MARCHF8: variants seen among roughly 807,000 people sequenced by gnomAD.
The protein encoded by MARCHF8 is E3 ubiquitin-protein ligase MARCHF8.
MARCHF8 carries 40 observed loss-of-function variants against 51.6 expected under a neutral mutation model. The observed-to-expected ratio is 0.77, with a 90% CI of 0.60 to 1.01. The LOEUF is 1.01. Ranked by LOEUF, MARCHF8 falls within the 50% of genes least tolerant of loss-of-function variation. MARCHF8 has a pLI of 0.00. For synonymous variants in MARCHF8, 263 were observed against 280.3 expected (o/e 0.94, Z 0.62); for missense variants, 685 against 708.6 (o/e 0.97, Z 0.38).
At chr10:45,582,989 C>T (rs2044572137) in intron 1 of MARCHF8, among the ~76,000 whole-genome samples, 1 of 151,990 alleles carries the variant, frequency 6.6e-6, no homozygotes. Flanking sequence ...TTAAGATGTC[C>T]AAATCCTCAC....
At chr10:45,556,298 T>G (rs1320392140) in intron 1 of MARCHF8, among the ~76,000 whole-genome samples, 1 of 152,138 alleles carries the variant, frequency 6.6e-6, no homozygotes, top group East Asian at 1.9e-4. Flanking sequence ...CACAAAACTG[T>G]GAAATAACTT....
chr10:45,483,250 G>A (rs2042921096), intron 3 of MARCHF8, among the ~76,000 whole-genome samples: 2 of 152,064 alleles, frequency 1.3e-5, no homozygotes, highest in African/African-American at 2.4e-5. Flanking sequence ...ATCGAACAAG[G>A]AACTAACATA....
At chr10:45,575,224 G>C (rs1394925797) in intron 1 of MARCHF8, among the ~76,000 whole-genome samples, 1 of 152,106 alleles carries the variant, frequency 6.6e-6, no homozygotes, top group East Asian at 1.9e-4. Flanking sequence ...AAAAAAAGCA[G>C]CCAGCGTTCC....
In MARCHF8 at chr10:45,513,368, C is replaced by A. The variant is rs572608540; in HGVS notation, c.102+19742G>T. Reference sequence around the variant, plus strand: ...ACTCATTCAGAAACACGTTTATTAACCACCTACTATGAGCCAGGTACAGGT... The same window carrying A: ...ACTCATTCAGAAACACGTTTATTAAACACCTACTATGAGCCAGGTACAGGT... On this transcript the variant is annotated intron_variant, in intron 2 of 7. Transcript: ENST00000453424. 6.6e-5 allele frequency among the ~76,000 whole-genome samples: 10 copies of A among 152,176 alleles called. No individual in the cohort carries two copies. In the East Asian group the frequency reaches 1.9e-3, roughly 29 times the overall value.
At chr10:45,589,576 C>T (rs1307416955) in intron 1 of MARCHF8, among the ~76,000 whole-genome samples, 1 of 152,184 alleles carries the variant, frequency 6.6e-6, no homozygotes, top group Non-Finnish European at 1.5e-5. Context: ...TCCCCACCCC[C>T]TACCCCAACA....
Position 45,459,267 on chromosome 10 carries a change from A to G in MARCHF8, c.1270T>C (p.Trp424Arg). 1 of 1,613,600 alleles carries G rather than the reference A, an allele frequency of 6.2e-7. No individual in the cohort carries two copies. The highest frequency in any genetic ancestry group is 8.5e-7 in the Non-Finnish European group (1 of 1,179,848). Residue 424 changes from tryptophan (W) to arginine (R), a missense_variant and splice_region_variant, in exon 7 of 8, where the codon TGG (tryptophan) becomes CGG (arginine). Coordinates refer to ENST00000453424, the MANE Select transcript of MARCHF8 (RefSeq NM_001282866.2). ...METKLKPLRK[W>R]EKLQMTSSER... Reference sequence around the variant, plus strand: ...CTGGACGTCATCTGCAACTTCTCCCACTAGAAAGACAACACAGAGTGTGAG... The same window carrying G: ...CTGGACGTCATCTGCAACTTCTCCCGCTAGAAAGACAACACAGAGTGTGAG...
intron 3 of MARCHF8, among the ~76,000 whole-genome samples, chr10:45,467,042 G>A (rs1589079542): frequency 6.6e-6 from 1 of 152,192 alleles, no homozygotes; most frequent in Admixed American, 6.5e-5. Flanking sequence ...CAGTGACAGC[G>A]GACCCAAGGA....
chr10:45,564,756 G>A (rs186679481), intron 1 of MARCHF8, among the ~76,000 whole-genome samples: 17 of 147,820 alleles, frequency 1.2e-4, no homozygotes, highest in African/African-American at 3.0e-4. Context: ...CAACAACAAC[G>A]ACGACAATAA....
At chr10:45,533,078 T>C (rs1210058323) in intron 2 of MARCHF8, 32 bp downstream of exon 2, 3 of 1,543,530 alleles carry the variant, frequency 1.9e-6, no homozygotes. Flanking sequence ...TTAATAAAAA[T>C]AATGAAACTA....
intron 6 of MARCHF8, among the ~76,000 whole-genome samples, chr10:45,460,598 G>C (rs1001382505): frequency 3.3e-5 from 5 of 152,222 alleles, no homozygotes; most frequent in Non-Finnish European, 5.9e-5. Context: ...CATCTAGAGA[G>C]ATATATGAAA....
At chr10:45,521,363 T>C (rs996952696) in intron 2 of MARCHF8, among the ~76,000 whole-genome samples, 1 of 152,238 alleles carries the variant, frequency 6.6e-6, no homozygotes, top group Non-Finnish European at 1.5e-5. Flanking sequence ...TTTTATTCCC[T>C]AGAACAATGC....
chr10:45,503,362 C>T (rs2043316512), intron 2 of MARCHF8, among the ~76,000 whole-genome samples: 1 of 151,910 alleles, frequency 6.6e-6, no homozygotes, highest in South Asian at 2.1e-4. Flanking sequence ...ACGGTAAAAC[C>T]CCGTCTCTAC....
At chr10:45,563,502 A>C (rs2044333005) in intron 1 of MARCHF8, among the ~76,000 whole-genome samples, 1 of 152,220 alleles carries the variant, frequency 6.6e-6, no homozygotes. Flanking sequence ...TGTTAACGTA[A>C]GTCTATGATA....
intron 2 of MARCHF8, among the ~76,000 whole-genome samples, chr10:45,489,753 A>G (rs1178157183): frequency 3.3e-5 from 5 of 152,360 alleles, no homozygotes; most frequent in South Asian, 2.1e-4. Flanking sequence ...TCAGATGGTG[A>G]TAAGTGTCTT....
At chr10:45,485,614 A>G (rs142487196) in intron 3 of MARCHF8, among the ~76,000 whole-genome samples, 1 of 152,326 alleles carries the variant, frequency 6.6e-6, no homozygotes, top group African/African-American at 2.4e-5. Flanking sequence ...TTTAAAGTCA[A>G]TATGCTTCCA....
intron 2 of MARCHF8, among the ~76,000 whole-genome samples, chr10:45,507,426 C>T (rs1161242392): frequency 1.3e-5 from 2 of 152,080 alleles, no homozygotes; most frequent in African/African-American, 4.8e-5. Flanking sequence ...GGATCTGCTT[C>T]CAGAGAGACA....
At chr10:45,458,678 T>C in intron 7 of MARCHF8, 135 bp from the exon 8 acceptor site, 2 of 968,228 alleles carry the variant, frequency 2.1e-6, no homozygotes, top group Non-Finnish European at 1.5e-6. Context: ...TCTTGCTATG[T>C]TGCCCAGGCT....
intron 2 of MARCHF8, among the ~76,000 whole-genome samples, chr10:45,512,502 C>A (rs943612330): frequency 1.4e-5 from 2 of 147,268 alleles, no homozygotes; most frequent in African/African-American, 5.0e-5. Context: ...CCCGGCCAGC[C>A]GCCCAGTCCG....
In MARCHF8 at chr10:45,456,787, A is replaced by AT. The variant is rs2132893702; in HGVS notation, c.*1451dup. The AT allele has an allele frequency of 1.3e-5, 2 of 152,382 alleles. No individual in the cohort carries two copies. The highest frequency in any genetic ancestry group is 4.1e-4 in the South Asian group (2 of 4,832). 9.4% of individuals were successfully genotyped at this position (152,382 alleles called of 1,614,324 possible). A position where few individuals can be genotyped will look rare whatever the true frequency, so the allele number is the denominator to read the frequency against. On this transcript the variant is annotated 3_prime_UTR_variant, in exon 8 of 8. Coordinates refer to ENST00000453424, the MANE Select transcript of MARCHF8 (RefSeq NM_001282866.2). The stretch of plus-strand genomic sequence containing the variant: ...TAGGAAACTGGGTTTTAAAAACAGA[A>AT]TTTTAAGCAGACTTTTTAGAGGGAC...
Sources: allele counts gnomAD v4.1 joint callset (sites outside exome capture counted in the v4.1 genomes callset), GRCh38; gene constraint gnomAD v4.1.1; transcripts MANE v1.5; gene names NCBI Gene and HGNC (gene_info 2026-07-23, HGNC 2026-07-21).